The following MORC1 variants were observed in gnomAD, a reference collection of about 807,000 sequenced individuals.
The protein encoded by MORC1 is MORC family CW-type zinc finger 1.
Under a neutral mutation model 134.9 loss-of-function variants are expected in MORC1, and 59 were observed. That is an observed-to-expected ratio of 0.44 (90% CI 0.35 to 0.54). The LOEUF is 0.54. Ranked by LOEUF, MORC1 falls within the 20% of genes least tolerant of loss-of-function variation. The probability of loss-of-function intolerance (pLI) is 0.00; values close to 1 mark genes in which losing one functional copy is unlikely to be tolerated. For missense variants in MORC1, 947 were observed against 1,134.5 expected, an observed-to-expected ratio of 0.83 and a Z score of 2.37; for synonymous variants, 395 against 391.7, an observed-to-expected ratio of 1.01 and a Z score of -0.10.
At chr3:109,058,788 C>T (rs1201489780) in intron 12 of MORC1, among the ~76,000 whole-genome samples, 2 of 151,098 alleles carry the variant, frequency 1.3e-5, no homozygotes, top group Admixed American at 1.3e-4. Context: ...GACATAGTCA[C>T]TCTACAATAT....
chr3:109,012,578 T>C (rs968986495), intron 17 of MORC1, among the ~76,000 whole-genome samples: 1 of 152,228 alleles, frequency 6.6e-6, no homozygotes, highest in African/African-American at 2.4e-5. Context: ...ATGTGTTTTA[T>C]TTAATGTTTT....
At chr3:108,973,427 G>A (rs1947447560) in intron 24 of MORC1, among the ~76,000 whole-genome samples, 2 of 152,106 alleles carry the variant, frequency 1.3e-5, no homozygotes, top group Non-Finnish European at 2.9e-5. Flanking sequence ...GTGGGAGTTA[G>A]CCAGGTGTAG....
intron 9 of MORC1, among the ~76,000 whole-genome samples, chr3:109,067,543 C>T (rs563137303): frequency 1.3e-5 from 2 of 152,228 alleles, no homozygotes; most frequent in East Asian, 3.9e-4. Context: ...AAAATAGAGA[C>T]AAATCCACAT....
At chr3:109,046,229 C>T (rs1425565717) in intron 14 of MORC1, among the ~76,000 whole-genome samples, 2 of 152,170 alleles carry the variant, frequency 1.3e-5, no homozygotes, top group African/African-American at 4.8e-5. Context: ...CAGTTGGGAA[C>T]CACATGATGC....
intron 20 of MORC1, 79 bp from the exon 21 acceptor site, chr3:109,000,737 T>A: frequency 9.6e-7 from 1 of 1,044,264 alleles, no homozygotes; most frequent in East Asian, 2.4e-5. Flanking sequence ...TCACTCTTCA[T>A]TCTGCCTCTA....
rs1951221411 is a variant in MORC1 at position 109,113,909 on chromosome 3, G to A, written c.119+475C>T. On this transcript the variant is annotated intron_variant, in intron 2 of 27. Transcript: ENST00000232603. ...ATCAATTTCCACACATGTAGAACTA[G>A]GATATTAATTCCCATCTCAGAGTGT... is the stretch of plus-strand genomic sequence containing the variant. 2.6e-5 allele frequency among the ~76,000 whole-genome samples: 4 copies of A among 152,260 alleles called. No homozygotes were observed. In the South Asian group the frequency reaches 8.3e-4, roughly 32 times the overall value.
rs1367526527 is a variant in MORC1 at position 108,996,284 on chromosome 3, G to GCACACA, written c.2187+4272_2187+4273insTGTGTG. On this transcript the variant is annotated intron_variant, in intron 21 of 27. Coordinates refer to ENST00000232603, the MANE Select transcript of MORC1 (RefSeq NM_014429.4). ...CACATGTGCGCGTGCGTGCGCGCGC[G>GCACACA]CGCACACACACACACACACACACAA... Among the ~76,000 whole-genome samples the GCACACA allele has an allele frequency of 6.9e-3, 532 of 77,554 alleles. 3 individuals are homozygous for GCACACA. The highest frequency in any genetic ancestry group is 7.9e-3 in the Non-Finnish European group (249 of 31,352). 50.9% of individuals were successfully genotyped at this position (77,554 alleles called of 152,430 possible).
At chr3:109,091,212 G>A (rs1001997251) in intron 8 of MORC1, among the ~76,000 whole-genome samples, 5 of 151,930 alleles carry the variant, frequency 3.3e-5, no homozygotes, top group African/African-American at 9.7e-5. Flanking sequence ...GGCAGGCTGG[G>A]GGAGTAGATC....
intron 8 of MORC1, among the ~76,000 whole-genome samples, chr3:109,092,941 AAAT>A (rs779761224): frequency 7.9e-5 from 12 of 152,196 alleles, no homozygotes; most frequent in Non-Finnish European, 1.3e-4. Context: ...TTCATGCAGA[AAAT>A]AATGATTAAA....
chr3:108,996,286 G>GCGCGCGCACACA, intron 21 of MORC1, among the ~76,000 whole-genome samples: 65 of 146,470 alleles, frequency 4.4e-4, no homozygotes, highest in Non-Finnish European at 5.4e-4. Flanking sequence ...GCGCGCGCGC[G>GCGCGCGCACACA]CACACACACA....
chr3:108,961,043 A>C (rs1434060422), intron 27 of MORC1, among the ~76,000 whole-genome samples: 1 of 152,174 alleles, frequency 6.6e-6, no homozygotes, highest in Non-Finnish European at 1.5e-5. Context: ...GTCTCCTTGA[A>C]TGTTCCCTCT....
At position 109,027,796 on chromosome 3, in the gene MORC1, C is replaced by G; in HGVS notation, c.1659G>C (p.Glu553Asp). The G allele has an allele frequency of 6.2e-7, 1 of 1,613,894 alleles. No homozygotes were observed. Among genetic ancestry groups the G allele is most frequent in the Non-Finnish European group, 8.5e-7 (1 of 1,179,870 alleles). ...GTCTATTTTGATACTTTATGACCGA[C>G]TCTCTAAGTTGCTTCTCTTTCTCAT... is the stretch of plus-strand genomic sequence containing the variant. ...SKNEKEKQLR[E>D]SVIKYQNRLA... The change falls in exon 17 of 28, where the codon GAG becomes GAC. Residue 553 changes from glutamate to aspartate, a missense_variant. Glu to Asp is a conservative substitution (Grantham distance 45). Transcript: ENST00000232603.
chr3:108,961,798 G>A (rs1430941104), intron 27 of MORC1, among the ~76,000 whole-genome samples: 1 of 152,206 alleles, frequency 6.6e-6, no homozygotes. Context: ...TAGAGGTTTG[G>A]CAGAGAAGGA....
intron 25 of MORC1, among the ~76,000 whole-genome samples, chr3:108,971,062 GT>G (rs1482510506): frequency 3.3e-5 from 5 of 152,244 alleles, no homozygotes; most frequent in South Asian, 2.1e-4. Flanking sequence ...TCTGTTTTTG[GT>G]GGGGGAGAGA....
chr3:108,979,573 C>T lies in MORC1; in HGVS notation c.2419G>A (p.Ala807Thr), dbSNP rs200083463. The T allele has an allele frequency of 2.5e-6, 4 of 1,614,166 alleles. No homozygotes were observed. Among genetic ancestry groups the T allele is most frequent in the Non-Finnish European group, 2.5e-6 (3 of 1,180,022 alleles). The change falls in exon 24 of 28, where the codon GCG becomes ACG. Residue 807 changes from alanine to threonine, a missense_variant. Physicochemically the swap from Ala to Thr is moderately conservative, Grantham distance 58. Transcript: ENST00000232603. ...TTGACAGGTGTGCTTTGAGAAGACG[C>T]TGGCGAAGAAGCAACTTTACAACTG... ...SGSCKVASSP[A>T]SSQSTPVKET...
chr3:109,088,279 T>C (rs1021242744), intron 8 of MORC1, among the ~76,000 whole-genome samples: 2 of 152,074 alleles, frequency 1.3e-5, no homozygotes, highest in East Asian at 3.9e-4. Context: ...ATCAACAAAG[T>C]AAACAGACAA....
In MORC1 at chr3:108,958,390, T is replaced by C. The variant is rs1209049204; in HGVS notation, c.*575A>G. On this transcript the variant is annotated 3_prime_UTR_variant, in exon 28 of 28. Transcript: ENST00000232603. ...CAACAATTTTTACATATGTGTAATA[T>C]GTATACATATTATGCTTAGGAGATT... The C allele has an allele frequency of 6.6e-6, 1 of 152,104 alleles. No homozygotes were observed. The highest frequency in any genetic ancestry group is 6.5e-5 in the Admixed American group (1 of 15,280). The allele number at this position is 152,104 out of a possible 1,614,324, so 9.4% of individuals were successfully genotyped here. A position where few individuals can be genotyped will look rare whatever the true frequency, so the allele number is the denominator to read the frequency against.
At chr3:109,015,662 G>A (rs973856856) in intron 17 of MORC1, among the ~76,000 whole-genome samples, 9 of 152,174 alleles carry the variant, frequency 5.9e-5, no homozygotes, top group Middle Eastern at 3.4e-3. Context: ...TTCTTCATAT[G>A]CATAGAAACT....
intron 8 of MORC1, among the ~76,000 whole-genome samples, chr3:109,082,189 C>G (rs1160019955): frequency 6.6e-6 from 1 of 151,882 alleles, no homozygotes; most frequent in Admixed American, 6.6e-5. Context: ...AGAGCCAAGG[C>G]CAACCTGGGT....
Sources: allele counts gnomAD v4.1 joint callset (sites outside exome capture counted in the v4.1 genomes callset), GRCh38; gene constraint gnomAD v4.1.1; transcripts MANE v1.5; gene names NCBI Gene and HGNC (gene_info 2026-07-23, HGNC 2026-07-21).